SLC2A14: variants seen among roughly 807,000 people sequenced by gnomAD.
SLC2A14 encodes solute carrier family 2 member 14.
Under a neutral mutation model 43.0 loss-of-function variants are expected in SLC2A14, and 13 were observed. The ratio of observed to expected loss-of-function variants is 0.30; its 90% CI spans 0.20 to 0.48. The LOEUF is 0.48. SLC2A14 is among the 20% of genes least tolerant of loss of function. SLC2A14 has a pLI of 0.99. For synonymous variants in SLC2A14, 190 were observed against 233.8 expected (o/e 0.81, Z 1.71); for missense variants, 428 against 620.4 (o/e 0.69, Z 3.29).
chr12:7,822,131 G>A (rs1863971331), intron 7 of SLC2A14, among the ~76,000 whole-genome samples: 1 of 150,354 alleles, frequency 6.7e-6, no homozygotes, highest in Non-Finnish European at 1.5e-5. Context: ...GCCAATTTTT[G>A]TATTTTTTTA....
chr12:7,823,673 T>A (rs549983738), intron 7 of SLC2A14, among the ~76,000 whole-genome samples: 4 of 151,864 alleles, frequency 2.6e-5, no homozygotes, highest in African/African-American at 9.7e-5. Context: ...TGAGCCGAGA[T>A]CGCACCAGTG....
At chr12:7,863,011 C>T (rs761888538) in intron 2 of SLC2A14, among the ~76,000 whole-genome samples, 6 of 152,154 alleles carry the variant, frequency 3.9e-5, no homozygotes, top group Non-Finnish European at 5.9e-5. Context: ...TGCCCAAGCC[C>T]GCATTGGCAA....
chr12:7,853,911 G>A (rs1867140816), intron 2 of SLC2A14, among the ~76,000 whole-genome samples: 1 of 152,142 alleles, frequency 6.6e-6, no homozygotes, highest in Non-Finnish European at 1.5e-5. Context: ...ACCCTGAATG[G>A]AAATGAGCAT....
rs978128317 is a variant in SLC2A14, at chr12:7,842,797, C to T, written c.19-9983G>A. The stretch of plus-strand genomic sequence containing the variant: ...AGGCTGGGGTGCAATGGTGCGATCT[C>T]GGCTCATCGCAACCTCCGCCTCCCG... On this transcript the variant is annotated intron_variant, in intron 2 of 10. Transcript: ENST00000431042. 9.3e-5 allele frequency among the ~76,000 whole-genome samples: 14 copies of T among 150,862 alleles called. 1 individual carries two copies. The highest frequency in any genetic ancestry group is 6.8e-3 in the Middle Eastern group (2 of 292).
intron 2 of SLC2A14, among the ~76,000 whole-genome samples, chr12:7,854,031 A>G (rs112706938): frequency 6.6e-6 from 1 of 152,126 alleles, no homozygotes; most frequent in African/African-American, 2.4e-5. Context: ...AAGTTTTTCA[A>G]TGATGGCTTT....
chr12:7,821,825 C>CTTTTTTT (rs71038774), intron 7 of SLC2A14, among the ~76,000 whole-genome samples: 6 of 127,252 alleles, frequency 4.7e-5, no homozygotes, highest in Non-Finnish European at 6.3e-5. Context: ...GTATTTCTTT[C>CTTTTTTT]TTTTTTTTTT....
intron 1 of SLC2A14, among the ~76,000 whole-genome samples, chr12:7,883,279 T>C (rs1945622083): frequency 6.7e-6 from 1 of 148,800 alleles, no homozygotes; most frequent in Admixed American, 6.7e-5. Flanking sequence ...TTTTTTTTTT[T>C]TTTTTTGAGA....
chr12:7,890,067 G>A (rs892157804), intron 1 of SLC2A14, among the ~76,000 whole-genome samples: 3 of 152,064 alleles, frequency 2.0e-5, no homozygotes, highest in Non-Finnish European at 4.4e-5. Flanking sequence ...TATCAGCAAG[G>A]TCTTTATGAC....
chr12:7,821,943 G>A (rs1863952384), intron 7 of SLC2A14, among the ~76,000 whole-genome samples: 1 of 149,822 alleles, frequency 6.7e-6, no homozygotes, highest in South Asian at 2.1e-4. Context: ...TCCTGCCTCA[G>A]CCTCCCAAGT....
intron 2 of SLC2A14, among the ~76,000 whole-genome samples, chr12:7,865,660 G>T (rs1217241733): frequency 6.6e-6 from 1 of 151,840 alleles, no homozygotes; most frequent in Non-Finnish European, 1.5e-5. Context: ...CTCTTCTCAG[G>T]CCTCCCTATT....
At chr12:7,848,622 C>T (rs1172770668) in intron 2 of SLC2A14, among the ~76,000 whole-genome samples, 1 of 150,938 alleles carries the variant, frequency 6.6e-6, no homozygotes, top group African/African-American at 2.4e-5. Flanking sequence ...ATGGCGCAGT[C>T]TCAGCTCACC....
intron 2 of SLC2A14, chr12:7,863,418 C>T (rs1487644677): frequency 4.4e-6 from 2 of 453,374 alleles, no homozygotes; most frequent in Non-Finnish European, 8.8e-6. Context: ...CAAGAACCCA[C>T]CAATTCCAGA....
intron 7 of SLC2A14, among the ~76,000 whole-genome samples, chr12:7,825,948 A>G (rs1392774530): frequency 6.6e-6 from 1 of 151,072 alleles, no homozygotes; most frequent in Non-Finnish European, 1.5e-5. Context: ...GAGTTGCCTC[A>G]GGTGCATTCT....
At position 7,872,853 on chromosome 12, in the gene SLC2A14, C is replaced by G. The variant is rs1565582230; in HGVS notation, c.-104G>C. 42 of 985,468 alleles carry G rather than the reference C, an allele frequency of 4.3e-5. 1 individual carries two copies. The South Asian group carries it at 1.8e-3, about 43-fold the overall frequency. 61.0% of individuals were successfully genotyped at this position (985,468 alleles called of 1,614,324 possible). A position where few individuals can be genotyped will look rare whatever the true frequency, so the allele number is the denominator to read the frequency against. On this transcript the variant is annotated 5_prime_UTR_variant, in exon 1 of 11. Coordinates refer to ENST00000431042, the MANE Select transcript of SLC2A14 (RefSeq NM_001286234.2). ...GTTGGGCCCCGCGGCTTCGCTCAAC[C>G]ACGCACCTCCCGGGCCGCTGCGCCC...
At chr12:7,844,107 T>C (rs1347182451) in intron 2 of SLC2A14, among the ~76,000 whole-genome samples, 8 of 152,160 alleles carry the variant, frequency 5.3e-5, no homozygotes, top group Non-Finnish European at 2.9e-5. Context: ...TCTAGATTCT[T>C]TAACATTTCT....
upstream of SLC2A14, among the ~76,000 whole-genome samples, chr12:7,874,115 A>G (rs1246341139): frequency 6.6e-6 from 1 of 152,206 alleles, no homozygotes; most frequent in African/African-American, 2.4e-5. Flanking sequence ...TAGAATGACT[A>G]AAACAAAGAT....
At chr12:7,891,195 G>C, upstream of SLC2A14, 2 of 1,418,616 alleles carry the variant, frequency 1.4e-6, no homozygotes, top group Non-Finnish European at 1.9e-6. Context: ...GGAGCAGAGT[G>C]CAGAGGAGAA....
intron 1 of SLC2A14, among the ~76,000 whole-genome samples, chr12:7,881,488 G>A (rs920538150): frequency 6.6e-6 from 1 of 152,102 alleles, no homozygotes; most frequent in Non-Finnish European, 1.5e-5. Context: ...CGCTGCACTC[G>A]ATTTCTCCCC....
At chr12:7,845,576 G>C (rs913444805) in intron 2 of SLC2A14, among the ~76,000 whole-genome samples, 1 of 148,368 alleles carries the variant, frequency 6.7e-6, no homozygotes, top group Non-Finnish European at 1.5e-5. Flanking sequence ...TCAGTAGATT[G>C]AGACCATCCT....
Sources: allele counts gnomAD v4.1 joint callset (sites outside exome capture counted in the v4.1 genomes callset), GRCh38; gene constraint gnomAD v4.1.1; transcripts MANE v1.5; gene names NCBI Gene and HGNC (gene_info 2026-07-23, HGNC 2026-07-21).